The following DALRD3 variants were observed in gnomAD, a reference collection of about 807,000 sequenced individuals.
The protein encoded by DALRD3 is DALR anticodon-binding domain-containing protein 3.
In DALRD3, 47 loss-of-function variants were observed where a neutral mutation model predicts 56.7. The observed-to-expected ratio is 0.83, with a 90% CI of 0.66 to 1.06. The LOEUF is 1.06. Among genes scored for constraint, DALRD3 ranks in the 50% least tolerant of loss-of-function variants. The pLI is 0.00. For missense variants in DALRD3, 787 were observed against 724.0 expected (o/e 1.09, Z -1.00); for synonymous variants, 347 against 308.5 (o/e 1.12, Z -1.31).
Position 49,017,260 on chromosome 3 carries a change from G to T in DALRD3, c.895C>A (p.Gln299Lys). The T allele has an allele frequency of 6.2e-7, 1 of 1,614,110 alleles. No homozygotes were observed. Among genetic ancestry groups the T allele is most frequent in the Non-Finnish European group, 8.5e-7 (1 of 1,180,004 alleles). Residue 299 changes from glutamine (Q) to lysine (K), a missense_variant, in exon 5 of 12, where the codon CAG becomes AAG. Coordinates refer to ENST00000341949, the MANE Select transcript of DALRD3 (RefSeq NM_001009996.3). Reference protein sequence around the residue: ...FQQQKLDLLWQKLVDKAPLRQ... With the variant: ...FQQQKLDLLWKKLVDKAPLRQ... ...AGTGGAGCCTTGTCAACCAACTTCT[G>T]CCAAAGCAGGTCCAACTTCTGTTGC...
At position 49,016,664 on chromosome 3, in the gene DALRD3, A is replaced by G. The variant is rs1434700175; in HGVS notation, c.1011T>C (p.His337=). The G allele has an allele frequency of 6.2e-7, 1 of 1,600,532 alleles. No homozygotes were observed. Among genetic ancestry groups the G allele is most frequent in the Non-Finnish European group, 8.5e-7 (1 of 1,171,992 alleles). Residue 337 remains histidine (H), a synonymous_variant, in exon 7 of 12, where the codon CAT becomes CAC. Transcript: ENST00000341949. ...GTGCTGAGGCCTTGCACACCTGGGT[A>G]TGCCGGAACCTGTGTTTGGAAGAGA... The part of the protein sequence containing the change: ...MTAPEYYEFR[H]TQVCKASALK...
At position 49,017,252 on chromosome 3, in the gene DALRD3, C is replaced by A. The variant is rs957816253; in HGVS notation, c.903G>T (p.Leu301Phe). 3.7e-6 allele frequency: 6 copies of A among 1,614,086 alleles called. No individual in the cohort carries two copies. Among genetic ancestry groups the A allele is most frequent in the African/African-American group, 1.3e-5 (1 of 74,930 alleles). ...QQKLDLLWQK[L>F]VDKAPLRQKH... The stretch of plus-strand genomic sequence containing the variant: ...CCTGTCTGAGTGGAGCCTTGTCAAC[C>A]AACTTCTGCCAAAGCAGGTCCAACT... The change falls in exon 5 of 12, where the codon TTG becomes TTT. Residue 301 changes from leucine (L) to phenylalanine (F), a missense_variant. By Grantham distance (22) the Leu-to-Phe change is conservative (BLOSUM62 0). Transcript: ENST00000341949.
At position 49,018,433 on chromosome 3, in the gene DALRD3, G is replaced by A. The variant is rs1254563609; in HGVS notation, c.132C>T (p.His44=). ...HLRSRDFLAP[H]RALQARFDDG... ...CATCGAAGCGCGCCTGCAGCGCGCG[G>A]TGCGGTGCCAGAAAGTCTCGGGAAC... Residue 44 remains histidine, a synonymous_variant, in exon 1 of 12, where the codon CAC becomes CAT. Coordinates refer to ENST00000341949, the MANE Select transcript of DALRD3 (RefSeq NM_001009996.3). 2 of 1,584,066 alleles carry A rather than the reference G, an allele frequency of 1.3e-6. No individual in the cohort carries two copies. Among genetic ancestry groups the A allele is most frequent in the African/African-American group, 2.7e-5 (2 of 74,248 alleles).
Position 49,017,873 on chromosome 3 carries a change from C to G in DALRD3, c.462-4G>C, listed in dbSNP as rs777247162. On this transcript the variant is annotated splice_polypyrimidine_tract_variant and splice_region_variant and intron_variant, in intron 2 of 11. Transcript: ENST00000341949. Reference sequence around the variant, plus strand: ...TGGCACTAGGCGCACGCACACCCTGCGAAGGGAGGGCGGCCGCCTCAGTCT... The same window carrying G: ...TGGCACTAGGCGCACGCACACCCTGGGAAGGGAGGGCGGCCGCCTCAGTCT... 2.5e-6 allele frequency: 4 copies of G among 1,589,560 alleles called. No individual in the cohort carries two copies. The highest frequency in any genetic ancestry group is 8.5e-7 in the Non-Finnish European group (1 of 1,174,830).
chr3:49,018,432 G>A lies in DALRD3; in HGVS notation c.133C>T (p.Arg45Cys). The A allele has an allele frequency of 6.3e-7, 1 of 1,583,238 alleles. No homozygotes were observed. Among genetic ancestry groups the A allele is most frequent in the Non-Finnish European group, 8.6e-7 (1 of 1,165,860 alleles). The change falls in exon 1 of 12, where the codon CGC (arginine) becomes TGC (cysteine). Residue 45 changes from arginine to cysteine, a missense_variant. Coordinates refer to ENST00000341949, the MANE Select transcript of DALRD3 (RefSeq NM_001009996.3). The stretch of plus-strand genomic sequence containing the variant: ...TCATCGAAGCGCGCCTGCAGCGCGC[G>A]GTGCGGTGCCAGAAAGTCTCGGGAA... ...LRSRDFLAPHRALQARFDDGQ... is the reference protein window; with the variant it reads ...LRSRDFLAPHCALQARFDDGQ...
upstream of DALRD3, chr3:49,019,137 G>C: frequency 1.7e-6 from 1 of 589,324 alleles, no homozygotes; most frequent in Non-Finnish European, 2.1e-6. Context: ...GCAGTGGCAC[G>C]ATCTCGGCTC....
At chr3:49,019,689 A>G (rs564066944), upstream of DALRD3, among the ~76,000 whole-genome samples, 2 of 151,532 alleles carry the variant, frequency 1.3e-5, no homozygotes, top group African/African-American at 4.8e-5. Flanking sequence ...ATGTTTGTCA[A>G]GCCTCGAACT....
chr3:49,018,794 A>C (rs968737609), upstream of DALRD3: 22 of 985,306 alleles, frequency 2.2e-5, no homozygotes, highest in East Asian at 1.1e-3. Context: ...CCCTGGGCCT[A>C]GGGTTCTTTC....
In DALRD3 at chr3:49,016,302, C is replaced by A. The variant is rs902557383; in HGVS notation, c.1185G>T (p.Lys395Asn). 1.2e-6 allele frequency: 2 copies of A among 1,611,312 alleles called. No homozygotes were observed. Among genetic ancestry groups the A allele is most frequent in the Admixed American group, 1.7e-5 (1 of 59,942 alleles). The change falls in exon 9 of 12, where the codon AAG (lysine) becomes AAT (asparagine). Residue 395 changes from lysine (K) to asparagine (N), a missense_variant. Transcript: ENST00000341949. ...LALADSSIST[K>N]GTKSGTFVMY... ...TGACAAAGGTGCCACTCTTTGTGCC[C>A]TTCGTGGAGATACTGCTGTCAGCCA...
At position 49,017,528 on chromosome 3, in the gene DALRD3, G is replaced by A; in HGVS notation, c.719-15C>T. 1 of 1,614,160 alleles carries A rather than the reference G, an allele frequency of 6.2e-7. No homozygotes were observed. On this transcript the variant is annotated splice_polypyrimidine_tract_variant and intron_variant, in intron 3 of 11. Transcript: ENST00000341949. ...ATCCTCAGTCACTGAAAAGAGAACA[G>A]ACAGGTGCTGAGACTGACAAGAAGC...
Position 49,018,513 on chromosome 3 carries a change from C to A in DALRD3, c.52G>T (p.Ala18Ser), listed in dbSNP as rs373082696. 1 of 1,585,170 alleles carries A rather than the reference C, an allele frequency of 6.3e-7. No individual in the cohort carries two copies. Among genetic ancestry groups the A allele is most frequent in the African/African-American group, 1.3e-5 (1 of 74,288 alleles). The part of the protein sequence containing the change: ...VGETLGALNA[A>S]LGPGGPVWIK... ...CACACCGGACCGCCTGGCCCCAGGG[C>A]CGCGTTGAGGGCCCCCAGCGTCTCC... The change falls in exon 1 of 12, where the codon GCC (alanine) becomes TCC (serine). Residue 18 changes from alanine (A) to serine (S), a missense_variant. Ala to Ser is a moderately conservative substitution (Grantham distance 99, BLOSUM62 1). Transcript: ENST00000341949.
upstream of DALRD3, chr3:49,020,226 A>G (rs2093141251): frequency 1.9e-6 from 1 of 534,592 alleles, no homozygotes; most frequent in Non-Finnish European, 3.8e-6. Context: ...GTCATTCCAA[A>G]GCGCTTTCCA....
In DALRD3 at chr3:49,017,500, G is replaced by A; in HGVS notation, c.732C>T (p.Leu244=). The A allele has an allele frequency of 6.2e-7, 1 of 1,614,172 alleles. No individual in the cohort carries two copies. Among genetic ancestry groups the A allele is most frequent in the Non-Finnish European group, 8.5e-7 (1 of 1,180,042 alleles). ...NLDNCLVTED[L]LSVLAELQEA... ...CTTGCAGCTCAGCCAGCACAGAGAG[G>A]AGATCCTCAGTCACTGAAAAGAGAA... Residue 244 remains leucine (L), a synonymous_variant, in exon 4 of 12, where the codon CTC becomes CTT. Transcript: ENST00000341949.
chr3:49,016,780 T>G lies in DALRD3; in HGVS notation c.995A>C (p.Tyr332Ser). 1.2e-6 allele frequency: 2 copies of G among 1,614,184 alleles called. No homozygotes were observed. The highest frequency in any genetic ancestry group is 2.2e-5 in the South Asian group (2 of 91,078). ...TCCTCCCAGCCTCACTCACTCGTAG[T>G]ACTCAGGGGCAGTCATCAGAGTGCC... is the stretch of plus-strand genomic sequence containing the variant. ...APGTLMTAPEYYEFRHTQVCK... is the reference protein window; with the variant it reads ...APGTLMTAPESYEFRHTQVCK... The change falls in exon 6 of 12, where the codon TAC (tyrosine) becomes TCC (serine). Residue 332 changes from tyrosine to serine, a missense_variant. Tyr to Ser is a moderately radical substitution (Grantham distance 144). Coordinates refer to ENST00000341949, the MANE Select transcript of DALRD3 (RefSeq NM_001009996.3).
Position 49,017,618 on chromosome 3 carries a change from C to G in DALRD3, c.713G>C (p.Cys238Ser). Reference sequence around the variant, plus strand: ...TGCTAGGCTTCAGGTCCTACCCAGACAGTTGTCCAGGTTGGGGTCATAGCC... The same window carrying G: ...TGCTAGGCTTCAGGTCCTACCCAGAGAGTTGTCCAGGTTGGGGTCATAGCC... ...TAGYDPNLDNCLVTEDLLSVL... is the reference protein window; with the variant it reads ...TAGYDPNLDNSLVTEDLLSVL... The change falls in exon 3 of 12, where the codon TGT becomes TCT. Residue 238 changes from cysteine (C) to serine (S), a missense_variant. By Grantham distance (112) the Cys-to-Ser change is moderately radical (BLOSUM62 -1). Transcript: ENST00000341949. 1 of 1,614,194 alleles carries G rather than the reference C, an allele frequency of 6.2e-7. No homozygotes were observed. The highest frequency in any genetic ancestry group is 1.3e-5 in the African/African-American group (1 of 75,080).
chr3:49,019,017 G>T (rs2093127895), upstream of DALRD3: 1 of 985,314 alleles, frequency 1.0e-6, no homozygotes, highest in African/African-American at 1.7e-5. Context: ...GTTTTAAAAA[G>T]AATAGTGTTC....
At chr3:49,016,577 T>C (rs2093076042) in intron 7 of DALRD3, 35 bp downstream of exon 7, 3 of 1,593,852 alleles carry the variant, frequency 1.9e-6, no homozygotes, top group Non-Finnish European at 1.7e-6. Flanking sequence ...AACCTGCCCC[T>C]AACCCAGAAC....
At position 49,017,886 on chromosome 3, in the gene DALRD3, G is replaced by A. The variant is rs758716427; in HGVS notation, c.462-17C>T. On this transcript the variant is annotated splice_polypyrimidine_tract_variant and intron_variant, in intron 2 of 11. Coordinates refer to ENST00000341949, the MANE Select transcript of DALRD3 (RefSeq NM_001009996.3). Reference sequence around the variant, plus strand: ...ACGCACACCCTGCGAAGGGAGGGCGGCCGCCTCAGTCTGAGCACCTGGTCC... The same window carrying A: ...ACGCACACCCTGCGAAGGGAGGGCGACCGCCTCAGTCTGAGCACCTGGTCC... The A allele has an allele frequency of 3.2e-6, 5 of 1,577,740 alleles. No homozygotes were observed. The highest frequency in any genetic ancestry group is 4.3e-6 in the Non-Finnish European group (5 of 1,170,306).
At position 49,016,247 on chromosome 3, in the gene DALRD3, A is replaced by G. The variant is rs781599989; in HGVS notation, c.1240T>C (p.Phe414Leu). The change falls in exon 9 of 12, where the codon TTT (phenylalanine) becomes CTT (leucine). Residue 414 changes from phenylalanine to leucine, a missense_variant. Coordinates refer to ENST00000341949, the MANE Select transcript of DALRD3 (RefSeq NM_001009996.3). ...MYNCARLATL[F>L]ESYKCSMEQG... ...TCCATACTACACTTGTAACTCTCAA[A>G]GAGTGTGGCAAGACGGGCACAATTA... 4.3e-6 allele frequency: 7 copies of G among 1,614,064 alleles called. No individual in the cohort carries two copies. Among genetic ancestry groups the G allele is most frequent in the Non-Finnish European group, 5.9e-6 (7 of 1,180,030 alleles).
Sources: allele counts gnomAD v4.1 joint callset (sites outside exome capture counted in the v4.1 genomes callset), GRCh38; gene constraint gnomAD v4.1.1; transcripts MANE v1.5; gene names NCBI Gene and HGNC (gene_info 2026-07-23, HGNC 2026-07-21).